The following LRRC7 variants were observed in gnomAD, a reference collection of about 807,000 sequenced individuals.
LRRC7 encodes leucine rich repeat containing 7.
A neutral mutation model predicts 175.7 loss-of-function variants in LRRC7; 23 were observed. The ratio of observed to expected loss-of-function variants is 0.13; its 90% CI spans 0.09 to 0.19. The LOEUF (loss-of-function observed/expected upper bound fraction) is 0.19, where lower values mean the gene tolerates loss of function less well. Among genes scored for constraint, LRRC7 ranks in the 10% least tolerant of loss-of-function variants. LRRC7 has a pLI of 1.00. For missense variants in LRRC7, 1,354 were observed against 1,904.7 expected (o/e 0.71, Z 5.38); for synonymous variants, 685 against 680.9 (o/e 1.01, Z -0.09).
At chr1:69,914,290 AT>A (rs1646622439) in intron 7 of LRRC7, among the ~76,000 whole-genome samples, 1 of 152,224 alleles carries the variant, frequency 6.6e-6, no homozygotes, top group South Asian at 2.1e-4. Context: ...GTAATCGTAC[AT>A]TTAAATGGAT....
chr1:69,621,311 G>T (rs1650554379), intron 1 of LRRC7, among the ~76,000 whole-genome samples: 1 of 152,122 alleles, frequency 6.6e-6, no homozygotes, highest in African/African-American at 2.4e-5. Flanking sequence ...CTCTCAAAGT[G>T]CTGGGGTAAT....
Position 70,074,663 on chromosome 1 carries a change from G to A in LRRC7, c.4231-1414G>A, listed in dbSNP as rs1331198762. On this transcript the variant is annotated intron_variant, in intron 23 of 26. Coordinates refer to ENST00000651989, the MANE Select transcript of LRRC7 (RefSeq NM_001370785.2). ...TTACTGTTTTCAAATGTAAACAATT[G>A]TAAATTATACCAAGACAGTCAATTG... Among the ~76,000 whole-genome samples, 4 of 152,200 alleles carry A rather than the reference G, an allele frequency of 2.6e-5. No individual in the cohort carries two copies. The South Asian group carries it at 6.2e-4, about 24-fold the overall frequency.
intron 7 of LRRC7, among the ~76,000 whole-genome samples, chr1:69,902,634 C>T (rs1471965177): frequency 1.3e-5 from 2 of 151,950 alleles, no homozygotes; most frequent in African/African-American, 4.8e-5. Flanking sequence ...CAGTATAGTA[C>T]AAAAGTAAAG....
At chr1:70,107,378 A>T (rs910837308) in intron 25 of LRRC7, among the ~76,000 whole-genome samples, 1 of 152,232 alleles carries the variant, frequency 6.6e-6, no homozygotes, top group Non-Finnish European at 1.5e-5. Flanking sequence ...AATACCTTCA[A>T]CTGCCTTTAA....
In LRRC7 at chr1:70,035,734, G is replaced by A. The variant is rs533905904; in HGVS notation, c.1996-387G>A. ...TTACATGTGTATATATCATATTTGT[G>A]TGAATCATACTGCTCATATATGGCT... is the stretch of plus-strand genomic sequence containing the variant. On this transcript the variant is annotated intron_variant, in intron 18 of 26. Transcript: ENST00000651989. Among the ~76,000 whole-genome samples, 96 of 150,766 alleles carry A rather than the reference G, an allele frequency of 6.4e-4. No individual in the cohort carries two copies. In the Middle Eastern group the frequency reaches 0.01, roughly 16 times the overall value.
intron 8 of LRRC7, among the ~76,000 whole-genome samples, chr1:69,966,797 G>C (rs951018561): frequency 2.6e-5 from 4 of 152,224 alleles, no homozygotes; most frequent in African/African-American, 7.2e-5. Context: ...AAAATACAGG[G>C]GTAGAGGAAG....
intron 1 of LRRC7, among the ~76,000 whole-genome samples, chr1:69,586,991 G>T (rs1205347335): frequency 1.3e-5 from 2 of 152,056 alleles, no homozygotes; most frequent in Non-Finnish European, 2.9e-5. Context: ...ATTTGTAGAG[G>T]TTTTTTCTGG....
chr1:69,922,977 C>A (rs893044715), intron 7 of LRRC7, among the ~76,000 whole-genome samples: 2 of 151,912 alleles, frequency 1.3e-5, no homozygotes, highest in African/African-American at 2.4e-5. Flanking sequence ...CTCCTGCCAC[C>A]CCACAACAGT....
At chr1:69,676,065 A>G (rs1659731540) in intron 1 of LRRC7, among the ~76,000 whole-genome samples, 2 of 151,786 alleles carry the variant, frequency 1.3e-5, no homozygotes, top group South Asian at 2.1e-4. Context: ...GCCTCTACAT[A>G]TGAATAGACT....
chr1:69,928,467 G>A (rs146766686), intron 7 of LRRC7, among the ~76,000 whole-genome samples: 1,897 of 152,352 alleles, frequency 0.012, 35 homozygotes, highest in African/African-American at 0.043. Flanking sequence ...CACTCAGTTT[G>A]AGCTTCATGG....
intron 1 of LRRC7, among the ~76,000 whole-genome samples, chr1:69,636,684 G>T (rs1162241167): frequency 1.3e-5 from 2 of 151,896 alleles, no homozygotes; most frequent in African/African-American, 4.8e-5. Flanking sequence ...TCAGGTCAAA[G>T]AAATTTCGGT....
intron 1 of LRRC7, among the ~76,000 whole-genome samples, chr1:69,662,406 A>G (rs1317974008): frequency 2.6e-5 from 4 of 152,186 alleles, no homozygotes; most frequent in Admixed American, 2.6e-4. Flanking sequence ...ATAATGTACT[A>G]TTGTGTTTGC....
intron 3 of LRRC7, among the ~76,000 whole-genome samples, chr1:69,773,146 G>A (rs1672428126): frequency 6.6e-6 from 1 of 152,098 alleles, no homozygotes; most frequent in Non-Finnish European, 1.5e-5. Context: ...TGACCTGAAG[G>A]CACATTTGTT....
intron 7 of LRRC7, among the ~76,000 whole-genome samples, chr1:69,907,139 C>A (rs369205040): frequency 1.8e-4 from 28 of 152,180 alleles, no homozygotes; most frequent in African/African-American, 5.8e-4. Flanking sequence ...GAAGTTGCTT[C>A]TCAGCTTAAG....
Position 70,124,338 on chromosome 1 carries a change from A to G in LRRC7, c.*2451A>G, listed in dbSNP as rs1435095144. 1.3e-5 allele frequency among the ~76,000 whole-genome samples: 2 copies of G among 152,138 alleles called. No homozygotes were observed. The highest frequency in any genetic ancestry group is 2.9e-5 in the Non-Finnish European group (2 of 68,038). On this transcript the variant is annotated 3_prime_UTR_variant, in exon 27 of 27. Transcript: ENST00000651989. Reference sequence around the variant, plus strand: ...TCAGTTCAAGACCAGCCTGGCCAACATGGTGAAACGCCATCTCTACTAAAA... The same window carrying G: ...TCAGTTCAAGACCAGCCTGGCCAACGTGGTGAAACGCCATCTCTACTAAAA...
At chr1:69,914,009 G>A (rs1444181811) in intron 7 of LRRC7, among the ~76,000 whole-genome samples, 2 of 152,090 alleles carry the variant, frequency 1.3e-5, no homozygotes, top group Non-Finnish European at 2.9e-5. Flanking sequence ...ATTAAACACA[G>A]GACACAGACT....
chr1:69,707,930 A>G (rs1236990230), intron 2 of LRRC7, among the ~76,000 whole-genome samples: 1 of 152,156 alleles, frequency 6.6e-6, no homozygotes, highest in African/African-American at 2.4e-5. Context: ...GCTGGACCAC[A>G]TGGTTCTAAC....
At chr1:69,690,837 G>T (rs779282376) in intron 2 of LRRC7, among the ~76,000 whole-genome samples, 1 of 152,128 alleles carries the variant, frequency 6.6e-6, no homozygotes, top group South Asian at 2.1e-4. Flanking sequence ...GAGGGTAAGG[G>T]CCTGGAAAAT....
At chr1:69,842,548 G>A (rs555029082) in intron 7 of LRRC7, among the ~76,000 whole-genome samples, 320 of 152,254 alleles carry the variant, frequency 2.1e-3, no homozygotes, top group African/African-American at 7.5e-3. Flanking sequence ...CTGACTAAGA[G>A]AGGAATGTTT....
Sources: allele counts gnomAD v4.1 joint callset (sites outside exome capture counted in the v4.1 genomes callset), GRCh38; gene constraint gnomAD v4.1.1; transcripts MANE v1.5; gene names NCBI Gene and HGNC (gene_info 2026-07-23, HGNC 2026-07-21).